Variants in EFL1 observed in about 807,000 individuals in gnomAD.
The protein encoded by EFL1 is elongation factor-like GTPase 1.
In EFL1, 76 loss-of-function variants were observed where a neutral mutation model predicts 126.7. That is an observed-to-expected ratio of 0.60 (90% CI 0.50 to 0.73). The LOEUF is 0.73. EFL1 is among the 30% of genes least tolerant of loss of function. The pLI, the probability that EFL1 is intolerant of heterozygous loss-of-function variation, is 0.00. For missense variants in EFL1, 1,128 were observed against 1,343.2 expected (o/e 0.84, Z 2.50); for synonymous variants, 410 against 448.4 (o/e 0.91, Z 1.08).
Position 82,200,713 on chromosome 15 carries a change from T to A in EFL1, c.1750+14004A>T, listed in dbSNP as rs188469055. 2.3e-3 allele frequency among the ~76,000 whole-genome samples: 345 copies of A among 152,270 alleles called. 3 individuals carry two copies. The highest frequency in any genetic ancestry group is 7.9e-3 in the African/African-American group (329 of 41,564). ...GATAACATCATCTTGGCTCTGGGAG[T>A]TGAATAATCCGAACACATTAAAACA... On this transcript the variant is annotated intron_variant, in intron 15 of 19. Coordinates refer to ENST00000268206, the MANE Select transcript of EFL1 (RefSeq NM_024580.6).
At chr15:82,189,665 G>C (rs1215152742) in intron 15 of EFL1, among the ~76,000 whole-genome samples, 1 of 152,148 alleles carries the variant, frequency 6.6e-6, no homozygotes, top group African/African-American at 2.4e-5. Flanking sequence ...ATGCCTGTTA[G>C]TAAGGGTGTT....
intron 19 of EFL1, among the ~76,000 whole-genome samples, chr15:82,134,058 C>T (rs998163664): frequency 1.3e-5 from 2 of 152,128 alleles, no homozygotes; most frequent in African/African-American, 4.8e-5. Flanking sequence ...CAGCTTATTT[C>T]GAACCATTTA....
At chr15:82,171,865 GTTAAAAT>G (rs2074139202) in intron 15 of EFL1, among the ~76,000 whole-genome samples, 1 of 151,492 alleles carries the variant, frequency 6.6e-6, no homozygotes, top group Non-Finnish European at 1.5e-5. Flanking sequence ...GAAAATAAAA[GTTAAAAT>G]TTATATATAC....
intron 4 of EFL1, among the ~76,000 whole-genome samples, 189 bp downstream of exon 4, chr15:82,252,502 A>G (rs1045918307): frequency 2.0e-5 from 3 of 152,218 alleles, no homozygotes; most frequent in African/African-American, 7.2e-5. Context: ...TCTGCCCTCA[A>G]ACCAGTCAGA....
At chr15:82,165,180 G>C (rs2074066027) in intron 15 of EFL1, among the ~76,000 whole-genome samples, 1 of 152,032 alleles carries the variant, frequency 6.6e-6, no homozygotes, top group Admixed American at 6.5e-5. Context: ...GAGGTGGGAG[G>C]ATCGCTTAAG....
Position 82,157,839 on chromosome 15 carries a change from T to G in EFL1, c.1904A>C (p.Lys635Thr). The G allele has an allele frequency of 6.2e-7, 1 of 1,613,190 alleles. No individual in the cohort carries two copies. The highest frequency in any genetic ancestry group is 8.5e-7 in the Non-Finnish European group (1 of 1,179,482). Residue 635 changes from lysine (K) to threonine (T), a missense_variant, in exon 17 of 20, where the codon AAA (lysine) becomes ACA (threonine). Lys to Thr is a moderately conservative substitution (Grantham distance 78, BLOSUM62 -1). This residue lies in a region of EFL1 where 561 missense variants were observed against 641.7 expected (regional missense o/e 0.87). Transcript: ENST00000268206. ...KHPSEMPQLV[K>T]GMKLLNQADP... is the part of the protein sequence containing the mutation. ...AGCCTGGTTTAACAGTTTCATTCCT[T>G]TTACGAGCTGAGGCATTTCACCTAG... is the stretch of plus-strand genomic sequence containing the variant.
chr15:82,225,483 TAAGAA>T (rs1201263572), intron 11 of EFL1, among the ~76,000 whole-genome samples: 2 of 152,106 alleles, frequency 1.3e-5, no homozygotes, highest in South Asian at 2.1e-4. Context: ...TTGGCAGAAA[TAAGAA>T]AAGAAAAGCA....
At chr15:82,248,070 C>G (rs4778673) in intron 4 of EFL1, among the ~76,000 whole-genome samples, 39,518 of 151,898 alleles carry the variant, frequency 0.26, 5,632 homozygotes, top group Non-Finnish European at 0.31. Flanking sequence ...GTCTTCACCT[C>G]TCTGAACTCC....
intron 15 of EFL1, among the ~76,000 whole-genome samples, chr15:82,210,970 C>G (rs948528746): frequency 3.3e-5 from 5 of 152,014 alleles, no homozygotes; most frequent in African/African-American, 4.8e-5. Context: ...TTATTTTAAG[C>G]CACTAGGCTT....
intron 14 of EFL1, among the ~76,000 whole-genome samples, chr15:82,215,109 T>C (rs192754178): frequency 6.6e-6 from 1 of 152,204 alleles, no homozygotes. Flanking sequence ...CTAAGTAACA[T>C]AAATTCTGTT....
At chr15:82,173,511 G>A (rs180882927) in intron 15 of EFL1, among the ~76,000 whole-genome samples, 6 of 152,178 alleles carry the variant, frequency 3.9e-5, no homozygotes, top group Admixed American at 2.0e-4. Flanking sequence ...GTACATGAAC[G>A]TTCATTATAT....
intron 7 of EFL1, among the ~76,000 whole-genome samples, chr15:82,231,200 A>G (rs192407571): frequency 2.4e-4 from 36 of 152,320 alleles, no homozygotes; most frequent in African/African-American, 8.4e-4. Flanking sequence ...TCAGGTCTAC[A>G]CCAATATGAA....
At chr15:82,212,869 T>G (rs1595986494) in intron 15 of EFL1, among the ~76,000 whole-genome samples, 1 of 152,338 alleles carries the variant, frequency 6.6e-6, no homozygotes, top group Non-Finnish European at 1.5e-5. Context: ...AGAGAGGCAT[T>G]TCTTTCCAAA....
chr15:82,151,908 G>A lies in EFL1; in HGVS notation c.2546C>T (p.Thr849Ile). The change falls in exon 18 of 20, where the codon ACA becomes ATA. Residue 849 changes from threonine to isoleucine, a missense_variant. By Grantham distance (89) the Thr-to-Ile change is moderately conservative (BLOSUM62 -1). Coordinates refer to ENST00000268206, the MANE Select transcript of EFL1 (RefSeq NM_024580.6). ...TTTTGAAGCTTTGTCAGCTGGACCTGTCCATACTGAGTTCTGAAAATCTTC... is the reference window on the plus strand; with the variant it reads ...TTTTGAAGCTTTGTCAGCTGGACCTATCCATACTGAGTTCTGAAAATCTTC... Reference protein sequence around the residue: ...KSEDFQNSVWTGPADKASKEA... With the variant: ...KSEDFQNSVWIGPADKASKEA... 1 of 1,614,082 alleles carries A rather than the reference G, an allele frequency of 6.2e-7. No homozygotes were observed. The highest frequency in any genetic ancestry group is 1.3e-5 in the African/African-American group (1 of 75,032).
chr15:82,180,374 A>C lies in EFL1; in HGVS notation c.1751-16390T>G, dbSNP rs201728457. On this transcript the variant is annotated intron_variant, in intron 15 of 19. Transcript: ENST00000268206. ...ATTAAACTGGCAAAAAAAAAAAAACAAAAAAAAAACAAACAAAAAAAACCA... is the reference window on the plus strand; with the variant it reads ...ATTAAACTGGCAAAAAAAAAAAAACCAAAAAAAAACAAACAAAAAAAACCA... Among the ~76,000 whole-genome samples the C allele has an allele frequency of 8.1e-4, 49 of 60,820 alleles. 1 individual carries two copies. In the South Asian group the frequency reaches 0.014, roughly 17 times the overall value. The allele number at this position is 60,820 out of a possible 152,430, so 39.9% of individuals were successfully genotyped here.
chr15:82,227,230 C>T (rs1402628099), intron 11 of EFL1, among the ~76,000 whole-genome samples: 1 of 152,182 alleles, frequency 6.6e-6, no homozygotes, highest in Non-Finnish European at 1.5e-5. Flanking sequence ...CTGGTCTCAC[C>T]CTACTGCCTG....
chr15:82,215,714 T>C (rs1437146806), intron 14 of EFL1: 2 of 151,924 alleles, frequency 1.3e-5, no homozygotes, highest in African/African-American at 2.4e-5. Context: ...AACAAAGAGA[T>C]TAACATCACA....
chr15:82,218,133 T>C (rs1484828771), intron 14 of EFL1, among the ~76,000 whole-genome samples: 2 of 152,206 alleles, frequency 1.3e-5, no homozygotes, highest in East Asian at 3.9e-4. Flanking sequence ...GGAGAAGATG[T>C]GGCTAAGCCA....
chr15:82,183,575 G>T (rs940132582), intron 15 of EFL1, among the ~76,000 whole-genome samples: 2 of 152,144 alleles, frequency 1.3e-5, no homozygotes, highest in Non-Finnish European at 2.9e-5. Context: ...GTGATAACTT[G>T]CACCACCCTC....
Sources: allele counts gnomAD v4.1 joint callset (sites outside exome capture counted in the v4.1 genomes callset), GRCh38; gene constraint gnomAD v4.1.1; regional missense constraint gnomAD v4.1.1; transcripts MANE v1.5; gene names NCBI Gene and HGNC (gene_info 2026-07-23, HGNC 2026-07-21).